The following JAK1 variants were observed in gnomAD, a reference collection of about 807,000 sequenced individuals.
JAK1 encodes Janus kinase 1.
A neutral mutation model predicts 136.6 loss-of-function variants in JAK1; 16 were observed. That is an observed-to-expected ratio of 0.12 (90% CI 0.08 to 0.18). The LOEUF is 0.18. JAK1 is among the 10% of genes least tolerant of loss of function. The pLI is 1.00. For missense variants in JAK1, 859 were observed against 1,450.1 expected (o/e 0.59, Z 6.62); for synonymous variants, 492 against 519.5 (o/e 0.95, Z 0.72).
chr1:64,869,171 T>G (rs1656912233), intron 6 of JAK1, 140 bp downstream of exon 6: 1 of 713,570 alleles, frequency 1.4e-6, no homozygotes, highest in Non-Finnish European at 2.4e-6. Flanking sequence ...GTGTATGTAG[T>G]AAACATTCTA....
intron 2 of JAK1, among the ~76,000 whole-genome samples, chr1:64,975,508 T>C (rs1646490777): frequency 6.6e-6 from 1 of 152,238 alleles, no homozygotes; most frequent in African/African-American, 2.4e-5. Flanking sequence ...CTGCTCTTCC[T>C]GAAGGGAAGC....
intron 5 of JAK1, 107 bp from the exon 6 acceptor site, chr1:64,869,581 G>T: frequency 2.4e-6 from 2 of 820,562 alleles, no homozygotes; most frequent in Non-Finnish European, 2.0e-6. Flanking sequence ...GCAACGAGAC[G>T]AATCAGATTG....
chr1:64,889,381 G>A (rs367692680), intron 1 of JAK1, among the ~76,000 whole-genome samples: 1 of 152,136 alleles, frequency 6.6e-6, no homozygotes, highest in Non-Finnish European at 1.5e-5. Flanking sequence ...AAGGTTTTTG[G>A]TGATAGCAGT....
At chr1:65,053,465 C>T (rs1298939875) in intron 1 of JAK1, among the ~76,000 whole-genome samples, 1 of 152,122 alleles carries the variant, frequency 6.6e-6, no homozygotes, top group Non-Finnish European at 1.5e-5. Flanking sequence ...TTTAAAGAAG[C>T]AATTTTTAAA....
Position 64,850,790 on chromosome 1 carries a change from C to T in JAK1, c.1755+14G>A, listed in dbSNP as rs1655537508. 1.9e-6 allele frequency: 3 copies of T among 1,592,156 alleles called. No homozygotes were observed. The highest frequency in any genetic ancestry group is 2.2e-5 in the South Asian group (2 of 90,436). ...AGGACCACAGCTGGCCCACACCCTGCAGCCGTGACTCACCTGCACCAGATC... is the reference window on the plus strand; with the variant it reads ...AGGACCACAGCTGGCCCACACCCTGTAGCCGTGACTCACCTGCACCAGATC... On this transcript the variant is annotated intron_variant, in intron 12 of 24. Transcript: ENST00000342505.
At position 64,883,395 on chromosome 1, in the gene JAK1, C is replaced by T. The variant is rs774067768; in HGVS notation, c.87G>A (p.Leu29=). The part of the protein sequence containing the change: ...MRSSKKTEVN[L]EAPEPGVEVI... ...CTTCCACCCCTGGCTCAGGGGCCTC[C>T]AGGTTCACCTCAGTCTTCTTGGAGC... is the stretch of plus-strand genomic sequence containing the variant. Residue 29 remains leucine, a synonymous_variant, in exon 3 of 25, where the codon CTG becomes CTA. Coordinates refer to ENST00000342505, the MANE Select transcript of JAK1 (RefSeq NM_002227.4). 2.5e-6 allele frequency: 4 copies of T among 1,614,122 alleles called. No individual in the cohort carries two copies. Among genetic ancestry groups the T allele is most frequent in the Non-Finnish European group, 3.4e-6 (4 of 1,179,964 alleles).
chr1:64,941,747 T>C (rs946158946), intron 1 of JAK1, among the ~76,000 whole-genome samples: 4 of 152,166 alleles, frequency 2.6e-5, no homozygotes, highest in Non-Finnish European at 2.9e-5. Flanking sequence ...ATTTTCAACA[T>C]GAATCCAGGT....
chr1:65,035,082 AAATAAAT>A (rs1358474844), intron 2 of JAK1, among the ~76,000 whole-genome samples: 5 of 148,968 alleles, frequency 3.4e-5, no homozygotes, highest in Non-Finnish European at 7.5e-5. Context: ...ATAAATAAAT[AAATAAAT>A]AATAAATAAA....
intron 2 of JAK1, among the ~76,000 whole-genome samples, chr1:65,017,902 TG>T (rs1646903743): frequency 6.6e-6 from 1 of 151,902 alleles, no homozygotes; most frequent in African/African-American, 2.4e-5. Context: ...CTCCACCTCC[TG>T]GGTTCAAGTG....
chr1:64,871,302 C>T (rs1168689817), intron 5 of JAK1, among the ~76,000 whole-genome samples: 1 of 152,124 alleles, frequency 6.6e-6, no homozygotes, highest in African/African-American at 2.4e-5. Context: ...TGTGATCTCA[C>T]ACATAATGGT....
intron 1 of JAK1, among the ~76,000 whole-genome samples, chr1:64,906,934 A>G (rs7523783): frequency 0.062 from 9,413 of 151,720 alleles, 589 homozygotes; most frequent in African/African-American, 0.16. Context: ...TTTTACCACT[A>G]TCTACCCACT....
chr1:65,025,132 C>A (rs1298655440), intron 2 of JAK1, among the ~76,000 whole-genome samples: 1 of 152,168 alleles, frequency 6.6e-6, no homozygotes, highest in Non-Finnish European at 1.5e-5. Context: ...TTCAGGCCCA[C>A]AGGAGAAGAG....
At position 64,886,351 on chromosome 1, in the gene JAK1, AAAAT is replaced by A. The variant is rs1038506054; in HGVS notation, c.-77-14_-77-11del. The A allele has an allele frequency of 8.9e-6, 13 of 1,461,462 alleles. No individual in the cohort carries two copies. Among genetic ancestry groups the A allele is most frequent in the Admixed American group, 2.5e-5 (1 of 39,256 alleles). 90.5% of individuals were successfully genotyped at this position (1,461,462 alleles called of 1,614,324 possible). A position where few individuals can be genotyped will look rare whatever the true frequency, so the allele number is the denominator to read the frequency against. On this transcript the variant is annotated splice_polypyrimidine_tract_variant and intron_variant, in intron 1 of 24. Coordinates refer to ENST00000342505, the MANE Select transcript of JAK1 (RefSeq NM_002227.4). ...CTACTTCAGAGAAGCGCTAAAGACA[AAAAT>A]AAATAAATAAATCAGTGGCAGAGGT... is the stretch of plus-strand genomic sequence containing the variant.
chr1:65,010,737 C>T (rs554894267), intron 2 of JAK1, among the ~76,000 whole-genome samples: 1 of 152,250 alleles, frequency 6.6e-6, no homozygotes, highest in East Asian at 1.9e-4. Flanking sequence ...TCCGAACATT[C>T]TGGGAGGCCA....
rs75804264 is a variant in JAK1 at position 64,908,238 on chromosome 1, T to C, written c.-77-21897A>G. ...CAAATTCTTAAACATTAAACCTCTA[T>C]TAAGCCATATATAAGGCTTATAAGG... is the stretch of plus-strand genomic sequence containing the variant. On this transcript the variant is annotated intron_variant, in intron 1 of 24. Coordinates refer to ENST00000342505, the MANE Select transcript of JAK1 (RefSeq NM_002227.4). Among the ~76,000 whole-genome samples, 176 of 152,318 alleles carry C rather than the reference T, an allele frequency of 1.2e-3. 1 individual carries two copies. The highest frequency in any genetic ancestry group is 4.1e-3 in the African/African-American group (170 of 41,578).
At chr1:65,067,151 G>A (rs1432582562) in intron 1 of JAK1, among the ~76,000 whole-genome samples, 23 of 151,032 alleles carry the variant, frequency 1.5e-4, no homozygotes, top group Non-Finnish European at 1.5e-5. Flanking sequence ...GGCCCGGCCC[G>A]CCCCGCGCCG....
At position 64,846,304 on chromosome 1, in the gene JAK1, G is replaced by C. The variant is rs566783473; in HGVS notation, c.1987+345C>G. 9.2e-5 allele frequency among the ~76,000 whole-genome samples: 14 copies of C among 152,168 alleles called. No individual in the cohort carries two copies. The East Asian group carries it at 1.8e-3, about 19-fold the overall frequency. On this transcript the variant is annotated intron_variant, in intron 14 of 24. Coordinates refer to ENST00000342505, the MANE Select transcript of JAK1 (RefSeq NM_002227.4). The stretch of plus-strand genomic sequence containing the variant: ...TCGAGGAGCCAGCGTCTTGCTGCTT[G>C]TGGGGTGCGCTCACCTCGCTCACCT...
At chr1:64,910,108 C>T (rs1183000182) in intron 1 of JAK1, among the ~76,000 whole-genome samples, 1 of 152,114 alleles carries the variant, frequency 6.6e-6, no homozygotes, top group Non-Finnish European at 1.5e-5. Flanking sequence ...ACTATGATAC[C>T]ATCTTTATAT....
chr1:64,886,308 CT>C lies in JAK1; in HGVS notation c.-45del. The C allele has an allele frequency of 5.0e-6, 8 of 1,587,856 alleles. No individual in the cohort carries two copies. The highest frequency in any genetic ancestry group is 6.8e-6 in the Non-Finnish European group (8 of 1,170,796). On this transcript the variant is annotated 5_prime_UTR_variant, in exon 2 of 25. Transcript: ENST00000342505. ...TTCTCCAAGAAGCAAACTGGATTTT[CT>C]TCTCTACTTTCCAAAGCTACTTCAG...
Sources: allele counts gnomAD v4.1 joint callset (sites outside exome capture counted in the v4.1 genomes callset), GRCh38; gene constraint gnomAD v4.1.1; transcripts MANE v1.5; gene names NCBI Gene and HGNC (gene_info 2026-07-23, HGNC 2026-07-21).